MCC: variants seen among roughly 807,000 people sequenced by gnomAD.
The protein encoded by MCC is MCC regulator of Wnt signaling pathway, also known as colorectal mutant cancer protein.
MCC carries 90 observed loss-of-function variants against 116.2 expected under a neutral mutation model. The observed-to-expected ratio is 0.77, with a 90% confidence interval of 0.65 to 0.92. MCC has a LOEUF of 0.92. Ranked by LOEUF, MCC falls within the 40% of genes least tolerant of loss-of-function variation. MCC has a pLI of 0.00. For missense variants in MCC, 1,516 were observed against 1,312.2 expected (o/e 1.16, Z -2.40); for synonymous variants, 578 against 510.5 (o/e 1.13, Z -1.78).
intron 3 of MCC, among the ~76,000 whole-genome samples, chr5:113,227,089 G>A (rs1163328422): frequency 6.6e-6 from 1 of 152,160 alleles, no homozygotes; most frequent in African/African-American, 2.4e-5. Context: ...CTTTTTCGAT[G>A]TGATATGACA....
In MCC at chr5:113,037,919, AC is replaced by A. The variant is rs1165300991; in HGVS notation, c.2756+5610del. 2.0e-5 allele frequency among the ~76,000 whole-genome samples: 3 copies of A among 152,206 alleles called. No individual in the cohort carries two copies. The East Asian group carries it at 5.8e-4, about 29-fold the overall frequency. On this transcript the variant is annotated intron_variant, in intron 17 of 18. Coordinates refer to ENST00000408903, the MANE Select transcript of MCC (RefSeq NM_001085377.2). ...GGCTAGGAAGTTAAGTTAGGGACCT[AC>A]GGACAATCTTGAGTGCCAAGGCACT...
chr5:113,184,286 G>A (rs546827754), intron 3 of MCC, among the ~76,000 whole-genome samples: 2 of 152,084 alleles, frequency 1.3e-5, no homozygotes, highest in East Asian at 3.9e-4. Context: ...ATCAGCATCT[G>A]ATTCTTTGCC....
chr5:113,300,983 A>T (rs1042643483), intron 3 of MCC, among the ~76,000 whole-genome samples: 2 of 152,224 alleles, frequency 1.3e-5, no homozygotes, highest in Non-Finnish European at 2.9e-5. Context: ...CCTGCATCCC[A>T]TTCATATAGA....
intron 3 of MCC, among the ~76,000 whole-genome samples, chr5:113,222,432 A>G (rs375360808): frequency 6.6e-6 from 1 of 152,166 alleles, no homozygotes. Context: ...TGGCCTCATA[A>G]AGTTCCTAAG....
At chr5:113,255,850 T>C (rs924494546) in intron 3 of MCC, among the ~76,000 whole-genome samples, 1 of 152,174 alleles carries the variant, frequency 6.6e-6, no homozygotes, top group East Asian at 1.9e-4. Flanking sequence ...AAATGCTGCT[T>C]GGAGTGTAGG....
intron 3 of MCC, chr5:113,294,629 G>A (rs1766650922): frequency 3.5e-6 from 4 of 1,139,782 alleles, no homozygotes; most frequent in Non-Finnish European, 4.3e-6. Flanking sequence ...CGCGCTCGCA[G>A]CTGCGGCAGC....
intron 3 of MCC, among the ~76,000 whole-genome samples, chr5:113,215,791 A>G (rs2150325979): frequency 6.6e-6 from 1 of 152,240 alleles, no homozygotes; most frequent in South Asian, 2.1e-4. Flanking sequence ...CTGGTATCCC[A>G]TTACCTCTCC....
At chr5:113,108,530 G>A (rs1221900234) in intron 6 of MCC, among the ~76,000 whole-genome samples, 2 of 150,506 alleles carry the variant, frequency 1.3e-5, no homozygotes, top group Non-Finnish European at 3.0e-5. Context: ...GTGCGGGCCT[G>A]TAATCCCAGC....
intron 3 of MCC, among the ~76,000 whole-genome samples, chr5:113,255,346 G>C (rs747236784): frequency 6.6e-6 from 1 of 152,106 alleles, no homozygotes; most frequent in Non-Finnish European, 1.5e-5. Flanking sequence ...TCCTATGAAA[G>C]CCACATATTA....
intron 1 of MCC, among the ~76,000 whole-genome samples, chr5:113,430,704 A>T (rs773774738): frequency 4.6e-5 from 7 of 152,196 alleles, no homozygotes; most frequent in Non-Finnish European, 8.8e-5. Context: ...ATGGAAAAGT[A>T]AGTTCTGGGG....
chr5:113,123,695 A>C (rs1212707403), intron 5 of MCC, among the ~76,000 whole-genome samples: 1 of 152,104 alleles, frequency 6.6e-6, no homozygotes, highest in Non-Finnish European at 1.5e-5. Flanking sequence ...CCACACATAC[A>C]CTGGACACAG....
At chr5:113,264,281 C>T (rs949475372) in intron 3 of MCC, among the ~76,000 whole-genome samples, 20 of 152,092 alleles carry the variant, frequency 1.3e-4, no homozygotes, top group Admixed American at 6.5e-4. Context: ...TATATAAATA[C>T]GAAAACGGCA....
chr5:113,194,341 A>G (rs1379105272), intron 3 of MCC, among the ~76,000 whole-genome samples: 1 of 152,132 alleles, frequency 6.6e-6, no homozygotes, highest in Non-Finnish European at 1.5e-5. Flanking sequence ...TGCCCCATAG[A>G]AGAGAGAAAA....
In MCC at chr5:113,340,688, C is replaced by T; in HGVS notation, c.458G>A (p.Gly153Asp). 6.2e-7 allele frequency: 1 copy of T among 1,613,904 alleles called. No homozygotes were observed. Among genetic ancestry groups the T allele is most frequent in the Non-Finnish European group, 8.5e-7 (1 of 1,180,008 alleles). Residue 153 changes from glycine (G) to aspartate (D), a missense_variant, in exon 3 of 19, where the codon GGT (glycine) becomes GAT (aspartate). By Grantham distance (94) the Gly-to-Asp change is moderately conservative. Coordinates refer to ENST00000408903, the MANE Select transcript of MCC (RefSeq NM_001085377.2). ...ATCCGGGCTCTGGAGGTCCCTGGCACCAGAGTCGTATTCCCAGCTCTCCCT... is the reference window on the plus strand; with the variant it reads ...ATCCGGGCTCTGGAGGTCCCTGGCATCAGAGTCGTATTCCCAGCTCTCCCT... ...AARESWEYDS[G>D]ARDLQSPDVQ...
At chr5:113,390,122 A>G (rs528926721) in intron 1 of MCC, among the ~76,000 whole-genome samples, 3 of 152,340 alleles carry the variant, frequency 2.0e-5, no homozygotes, top group South Asian at 4.1e-4. Flanking sequence ...AAACTTTTGT[A>G]TATTATTTCA....
At chr5:113,340,841 A>T (rs1442860781) in intron 2 of MCC, 111 bp from the exon 3 acceptor site, 3 of 791,522 alleles carry the variant, frequency 3.8e-6, no homozygotes, top group Non-Finnish European at 6.0e-6. Context: ...CCAGCATCTC[A>T]GAACACATGT....
intron 2 of MCC, among the ~76,000 whole-genome samples, chr5:113,376,678 T>TTA (rs10633406): frequency 0.63 from 95,389 of 151,466 alleles, 32,677 homozygotes; most frequent in African/African-American, 0.91. Context: ...AAAACTTCCA[T>TTA]TAAAACCATG....
chr5:113,484,326 T>C (rs1338574914), intron 1 of MCC, among the ~76,000 whole-genome samples: 1 of 152,130 alleles, frequency 6.6e-6, no homozygotes, highest in Admixed American at 6.6e-5. Flanking sequence ...ATATGGAAAA[T>C]ATCTGAAAAT....
chr5:113,167,587 G>T (rs1481670316), intron 3 of MCC, among the ~76,000 whole-genome samples: 2 of 151,908 alleles, frequency 1.3e-5, no homozygotes, highest in African/African-American at 4.8e-5. Flanking sequence ...TTTTTTCTGG[G>T]GCAGAGAAAC....
Sources: gnomAD v4.1 joint callset for allele counts (sites outside exome capture counted in the v4.1 genomes callset) on GRCh38, gnomAD v4.1.1 for gene constraint, MANE v1.5 for transcripts, NCBI Gene and HGNC (gene_info 2026-07-23, HGNC 2026-07-21) for gene names.